The following PIK3R4 variants were observed in gnomAD, a reference collection of about 807,000 sequenced individuals.
The protein encoded by PIK3R4 is phosphoinositide 3-kinase regulatory subunit 4.
A neutral mutation model predicts 136.5 loss-of-function variants in PIK3R4; 46 were observed. The ratio of observed to expected loss-of-function variants is 0.34; its 90% confidence interval spans 0.27 to 0.43. PIK3R4 has a LOEUF of 0.43. Ranked by LOEUF, PIK3R4 falls within the 20% of genes least tolerant of loss-of-function variation. PIK3R4 has a pLI of 1.00. For missense variants in PIK3R4, 1,331 were observed against 1,649.5 expected, an observed-to-expected ratio of 0.81 and a Z score of 3.35; for synonymous variants, 557 against 566.7, an observed-to-expected ratio of 0.98 and a Z score of 0.24.
chr3:130,714,731 G>C (rs893555161), intron 9 of PIK3R4, among the ~76,000 whole-genome samples: 6 of 151,974 alleles, frequency 3.9e-5, no homozygotes, highest in Admixed American at 2.6e-4. Context: ...TGTTTGCTGA[G>C]GATGATGGCT....
chr3:130,713,623 C>T (rs1426237826), intron 9 of PIK3R4, among the ~76,000 whole-genome samples: 3 of 152,064 alleles, frequency 2.0e-5, no homozygotes, highest in South Asian at 2.1e-4. Flanking sequence ...TAGGGTGGCC[C>T]CATGAGGTAA....
chr3:130,741,496 T>C (rs989740942), intron 2 of PIK3R4, among the ~76,000 whole-genome samples: 1 of 152,222 alleles, frequency 6.6e-6, no homozygotes, highest in Non-Finnish European at 1.5e-5. Flanking sequence ...ACGATTTTAT[T>C]CTGAAAGATG....
chr3:130,679,598 T>G (rs2066442496), intron 19 of PIK3R4, 113 bp from the exon 20 acceptor site: 4 of 675,446 alleles, frequency 5.9e-6, no homozygotes. Context: ...GTTAACACCT[T>G]TTGTAGTCAT....
Position 130,681,508 on chromosome 3 carries a change from G to C in PIK3R4, c.3691C>G (p.Pro1231Ala). Residue 1231 changes from proline (P) to alanine (A), a missense_variant, in exon 17 of 20, where the codon CCA (proline) becomes GCA (alanine). By Grantham distance (27) the Pro-to-Ala change is conservative. This residue lies in a region of PIK3R4 where 1,180 missense variants were observed against 1,407.0 expected (regional missense o/e 0.84). Coordinates refer to ENST00000356763, the MANE Select transcript of PIK3R4 (RefSeq NM_014602.3). ...AGTCAAACCTGTAATTCAGAAAGTG[G>C]TGGTGCACTGCTGGCCCAGAGAGTA... ...RFTLWASSAP[P>A]LSELQPSPHS... 6.2e-7 allele frequency: 1 copy of C among 1,603,840 alleles called. No homozygotes were observed. Among genetic ancestry groups the C allele is most frequent in the African/African-American group, 1.3e-5 (1 of 74,792 alleles).
At chr3:130,745,659 A>C (rs1322715864) in intron 1 of PIK3R4, among the ~76,000 whole-genome samples, 1 of 152,198 alleles carries the variant, frequency 6.6e-6, no homozygotes, top group African/African-American at 2.4e-5. Flanking sequence ...TGAGAATTAC[A>C]AAGTTACCAT....
rs1323374750 is a variant in PIK3R4 at position 130,705,547 on chromosome 3, A to G, written c.2932+14T>C. The G allele has an allele frequency of 1.3e-6, 2 of 1,564,202 alleles. No homozygotes were observed. Among genetic ancestry groups the G allele is most frequent in the Non-Finnish European group, 8.8e-7 (1 of 1,135,148 alleles). ...CTAGACTAGACTACAACTACTTATC[A>G]ACGGAACTTTTACCAGGTGGTGGTG... On this transcript the variant is annotated intron_variant, in intron 12 of 19. Coordinates refer to ENST00000356763, the MANE Select transcript of PIK3R4 (RefSeq NM_014602.3).
At position 130,737,367 on chromosome 3, in the gene PIK3R4, G is replaced by A. The variant is rs547431944; in HGVS notation, c.734-1365C>T. 3.9e-5 allele frequency among the ~76,000 whole-genome samples: 6 copies of A among 152,122 alleles called. No individual in the cohort carries two copies. The South Asian group carries it at 6.2e-4, about 16-fold the overall frequency. Reference sequence around the variant, plus strand: ...TGGGGTTAGATCCCAATAAATCAACGAAAAGTTAAAAATATTGAACGGTGG... The same window carrying A: ...TGGGGTTAGATCCCAATAAATCAACAAAAAGTTAAAAATATTGAACGGTGG... On this transcript the variant is annotated intron_variant, in intron 2 of 19. Coordinates refer to ENST00000356763, the MANE Select transcript of PIK3R4 (RefSeq NM_014602.3).
rs559954378 is a variant in PIK3R4, at chr3:130,703,883, G to A, written c.2938C>T (p.Arg980Cys). The change falls in exon 13 of 20, where the codon CGT becomes TGT. Residue 980 changes from arginine to cysteine, a missense_variant. Physicochemically the swap from Arg to Cys is radical, Grantham distance 180. This residue lies in a region of PIK3R4 where 1,180 missense variants were observed against 1,407.0 expected (regional missense o/e 0.84). Coordinates refer to ENST00000356763, the MANE Select transcript of PIK3R4 (RefSeq NM_014602.3). ...TGGGCAACTAACAGCCCTTTAGGAC[G>A]CCATCCTAAGGAAAAGCAAAGGAGT... ...WESKPPPPGW[R>C]PKGLLVAHLH... 8.7e-6 allele frequency: 14 copies of A among 1,606,644 alleles called. No individual in the cohort carries two copies. Among genetic ancestry groups the A allele is most frequent in the Middle Eastern group, 3.3e-4 (2 of 6,058 alleles).
rs72998234 is a variant in PIK3R4, at chr3:130,721,944, T to C, written c.1981+1470A>G. On this transcript the variant is annotated intron_variant, in intron 7 of 19. Transcript: ENST00000356763. ...ACTATGGATATGTCAATTAACTTGA[T>C]TGCCATAATTACTTCACAAAGTATA... Among the ~76,000 whole-genome samples, 281 of 152,292 alleles carry C rather than the reference T, an allele frequency of 1.8e-3. 2 individuals carry two copies. The highest frequency in any genetic ancestry group is 6.5e-3 in the African/African-American group (272 of 41,560).
At chr3:130,738,047 T>C (rs987739585) in intron 2 of PIK3R4, among the ~76,000 whole-genome samples, 4 of 152,210 alleles carry the variant, frequency 2.6e-5, no homozygotes, top group Admixed American at 6.5e-5. Flanking sequence ...TCTCTATTCA[T>C]TGAAAAATCT....
intron 16 of PIK3R4, 79 bp from the exon 17 acceptor site, chr3:130,681,670 G>A: frequency 2.5e-6 from 2 of 815,098 alleles, no homozygotes; most frequent in East Asian, 5.0e-5. Flanking sequence ...TTGCAGTCCT[G>A]AGAGAAAGAA....
At chr3:130,708,514 T>C (rs2066617829) in intron 9 of PIK3R4, 22 bp from the exon 10 acceptor site, 1 of 1,577,302 alleles carries the variant, frequency 6.3e-7, no homozygotes, top group South Asian at 1.1e-5. Context: ...TAAAACCATA[T>C]GTTCTAGTTT....
At chr3:130,743,559 G>A (rs1359741312) in intron 2 of PIK3R4, among the ~76,000 whole-genome samples, 1 of 152,178 alleles carries the variant, frequency 6.6e-6, no homozygotes, top group African/African-American at 2.4e-5. Flanking sequence ...TGCTCCTCCT[G>A]TGTCTCCCTG....
At chr3:130,728,201 T>C (rs1389180955) in intron 6 of PIK3R4, among the ~76,000 whole-genome samples, 3 of 152,214 alleles carry the variant, frequency 2.0e-5, no homozygotes, top group Admixed American at 1.3e-4. Context: ...CATGGTACTT[T>C]CCAGGTCATT....
Position 130,719,809 on chromosome 3 carries a change from A to G in PIK3R4, c.1982-1275T>C, listed in dbSNP as rs543351308. Among the ~76,000 whole-genome samples, 3 of 152,294 alleles carry G rather than the reference A, an allele frequency of 2.0e-5. No individual in the cohort carries two copies. In the East Asian group the frequency reaches 5.8e-4, roughly 29 times the overall value. ...CTCTGCCCCCTTTCTTTTGGTTTAT[A>G]TCACTTGCTTTGGCCAATGAATATT... On this transcript the variant is annotated intron_variant, in intron 7 of 19. Transcript: ENST00000356763.
At chr3:130,710,554 T>A (rs553806068) in intron 9 of PIK3R4, among the ~76,000 whole-genome samples, 1 of 152,192 alleles carries the variant, frequency 6.6e-6, no homozygotes, top group Non-Finnish European at 1.5e-5. Context: ...TTTAATACTA[T>A]ACTAAATATC....
rs779378051 is a variant in PIK3R4 at position 130,716,391 on chromosome 3, A to G, written c.2331+5T>C. 1 of 1,611,868 alleles carries G rather than the reference A, an allele frequency of 6.2e-7. No homozygotes were observed. The highest frequency in any genetic ancestry group is 1.1e-5 in the South Asian group (1 of 90,970). ...AAATGTAAGACTTTGGAAGGGTGAT[A>G]CAACCTGTGAGAGCAACTTCTTCAG... On this transcript the variant is annotated splice_donor_5th_base_variant and intron_variant, in intron 9 of 19. Coordinates refer to ENST00000356763, the MANE Select transcript of PIK3R4 (RefSeq NM_014602.3).
At position 130,679,266 on chromosome 3, in the gene PIK3R4, TTATAG is replaced by T; in HGVS notation, c.*44_*48del. 1 of 1,172,448 alleles carries T rather than the reference TTATAG, an allele frequency of 8.5e-7. No individual in the cohort carries two copies. The highest frequency in any genetic ancestry group is 2.8e-5 in the East Asian group (1 of 36,184). The allele number at this position is 1,172,448 out of a possible 1,614,324, so 72.6% of individuals were successfully genotyped here. Reference sequence around the variant, plus strand: ...TTCTCTAGAAATGCCTTTTCTCGAGTTATAGTATTATATTTATAACTATTAAAATT... The same window carrying T: ...TTCTCTAGAAATGCCTTTTCTCGAGTTATTATATTTATAACTATTAAAATT... On this transcript the variant is annotated 3_prime_UTR_variant, in exon 20 of 20. Transcript: ENST00000356763.
At chr3:130,719,934 C>A (rs1274746111) in intron 7 of PIK3R4, among the ~76,000 whole-genome samples, 4 of 152,174 alleles carry the variant, frequency 2.6e-5, no homozygotes, top group South Asian at 2.1e-4. Flanking sequence ...ACTGCCCCTA[C>A]AATGAGGGCC....
Sources: allele counts gnomAD v4.1 joint callset (sites outside exome capture counted in the v4.1 genomes callset), GRCh38; gene constraint gnomAD v4.1.1; regional missense constraint gnomAD v4.1.1; transcripts MANE v1.5; gene names NCBI Gene and HGNC (gene_info 2026-07-23, HGNC 2026-07-21).